The following RAPGEF2 variants were observed in gnomAD, a reference collection of about 807,000 sequenced individuals.
The protein encoded by RAPGEF2 is PDZ domain containing guanine nucleotide exchange factor (GEF) 1.
Under a neutral mutation model 186.7 loss-of-function variants are expected in RAPGEF2, and 54 were observed. That is an observed-to-expected ratio of 0.29 (90% CI 0.23 to 0.36). The LOEUF is 0.36. RAPGEF2 is among the 10% of genes least tolerant of loss of function. The pLI, the probability that RAPGEF2 is intolerant of heterozygous loss-of-function variation, is 1.00. For missense variants in RAPGEF2, 1,532 were observed against 2,045.0 expected, an observed-to-expected ratio of 0.75 and a Z score of 4.84; for synonymous variants, 712 against 705.9, an observed-to-expected ratio of 1.01 and a Z score of -0.14.
At chr4:159,349,401 T>C (rs1386618796) in intron 25 of RAPGEF2, among the ~76,000 whole-genome samples, 1 of 152,228 alleles carries the variant, frequency 6.6e-6, no homozygotes, top group Non-Finnish European at 1.5e-5. Context: ...CTTCCTCATT[T>C]ATGAAAAATA....
intron 7 of RAPGEF2, among the ~76,000 whole-genome samples, chr4:159,258,515 T>C (rs1756445878): frequency 6.6e-6 from 1 of 152,248 alleles, no homozygotes; most frequent in Admixed American, 6.5e-5. Flanking sequence ...TAGTAAAGTC[T>C]GTTGGTTAAT....
chr4:159,270,371 C>G (rs1469885078), intron 7 of RAPGEF2, among the ~76,000 whole-genome samples: 1 of 152,202 alleles, frequency 6.6e-6, no homozygotes, highest in Admixed American at 6.5e-5. Context: ...GCCCCTCTTT[C>G]ATCCTATGAG....
At chr4:159,222,752 C>T (rs1400241857) in intron 4 of RAPGEF2, among the ~76,000 whole-genome samples, 4 of 152,026 alleles carry the variant, frequency 2.6e-5, no homozygotes, top group African/African-American at 9.7e-5. Flanking sequence ...AGAAAGTGTA[C>T]TCTCTGTATT....
chr4:159,188,758 T>C (rs964575773), intron 2 of RAPGEF2, among the ~76,000 whole-genome samples: 1 of 152,180 alleles, frequency 6.6e-6, no homozygotes, highest in African/African-American at 2.4e-5. Flanking sequence ...CTGTCAACTT[T>C]CTGCAGCTGC....
At chr4:159,135,669 G>A (rs988846346) in intron 1 of RAPGEF2, among the ~76,000 whole-genome samples, 23 of 151,834 alleles carry the variant, frequency 1.5e-4, no homozygotes, top group Non-Finnish European at 2.5e-4. Context: ...GCATGATCTC[G>A]GCTCACTGCA....
chr4:159,150,957 A>G (rs562201056), intron 1 of RAPGEF2, among the ~76,000 whole-genome samples: 12 of 152,194 alleles, frequency 7.9e-5, no homozygotes, highest in Non-Finnish European at 1.6e-4. Flanking sequence ...CTGCTGATCC[A>G]GCAAGCGAGA....
chr4:159,322,511 A>G (rs1487473693), intron 10 of RAPGEF2, 28 bp downstream of exon 10: 1 of 1,601,676 alleles, frequency 6.2e-7, no homozygotes, highest in Non-Finnish European at 8.5e-7. Context: ...CCACTTAAAA[A>G]GTTTCTTCTT....
chr4:159,217,206 G>T (rs745740420), intron 4 of RAPGEF2, among the ~76,000 whole-genome samples: 3 of 152,062 alleles, frequency 2.0e-5, no homozygotes, highest in Non-Finnish European at 4.4e-5. Context: ...GGGGGTACAC[G>T]TGCAGGTTTG....
chr4:159,103,452 G>C lies in RAPGEF2; in HGVS notation c.-711G>C, dbSNP rs1168238335. 6.2e-6 allele frequency: 1 copy of C among 160,082 alleles called. No individual in the cohort carries two copies. The highest frequency in any genetic ancestry group is 1.3e-5 in the Non-Finnish European group (1 of 74,478). 9.9% of individuals were successfully genotyped at this position (160,082 alleles called of 1,614,324 possible). A position where few individuals can be genotyped will look rare whatever the true frequency, so the allele number is the denominator to read the frequency against. ...AGCAGCAGAGGCGGCGGCGGCGGCG[G>C]CTGGGCGGCCCGAGGGGATGCAGCA... is the stretch of plus-strand genomic sequence containing the variant. On this transcript the variant is annotated 5_prime_UTR_variant, in exon 1 of 30. Transcript: ENST00000691494.
chr4:159,304,681 T>G (rs966404844), intron 8 of RAPGEF2, among the ~76,000 whole-genome samples: 6 of 152,112 alleles, frequency 3.9e-5, no homozygotes, highest in Non-Finnish European at 8.8e-5. Context: ...TGACGAGTTA[T>G]CAAAGTGTTC....
At chr4:159,242,350 CT>C (rs574582520) in intron 6 of RAPGEF2, among the ~76,000 whole-genome samples, 4 of 151,402 alleles carry the variant, frequency 2.6e-5, no homozygotes, top group Admixed American at 6.6e-5. Flanking sequence ...TTTCCTTTAC[CT>C]TTTTTTTCTT....
intron 9 of RAPGEF2, among the ~76,000 whole-genome samples, chr4:159,318,733 CT>C (rs894119372): frequency 5.3e-5 from 8 of 151,956 alleles, no homozygotes; most frequent in African/African-American, 1.9e-4. Context: ...ACTTTGATCT[CT>C]TTTAACAAGC....
At chr4:159,354,729 T>C (rs1222511062) in intron 28 of RAPGEF2, among the ~76,000 whole-genome samples, 2 of 152,218 alleles carry the variant, frequency 1.3e-5, no homozygotes. Flanking sequence ...AGTGTGAGGA[T>C]TCAAGGAAAT....
intron 4 of RAPGEF2, 37 bp from the exon 5 acceptor site, chr4:159,238,772 G>C: frequency 6.9e-7 from 1 of 1,456,838 alleles, no homozygotes; most frequent in Admixed American, 2.4e-5. Context: ...AAATCTCTGA[G>C]GTTCTCCTCA....
intron 7 of RAPGEF2, among the ~76,000 whole-genome samples, chr4:159,251,354 C>T (rs939087628): frequency 3.3e-5 from 5 of 152,216 alleles, no homozygotes; most frequent in African/African-American, 1.2e-4. Context: ...GCGTCCCAGG[C>T]GTGGGATCCA....
At chr4:159,235,333 C>T (rs1463553515) in intron 4 of RAPGEF2, among the ~76,000 whole-genome samples, 8 of 152,056 alleles carry the variant, frequency 5.3e-5, no homozygotes, top group Admixed American at 4.6e-4. Flanking sequence ...TCAAAGACTT[C>T]GTTTTTATTA....
At chr4:159,162,121 G>C (rs1298655056) in intron 1 of RAPGEF2, among the ~76,000 whole-genome samples, 2 of 150,428 alleles carry the variant, frequency 1.3e-5, no homozygotes, top group Non-Finnish European at 3.0e-5. Flanking sequence ...GTGGTAGGTC[G>C]TGCTTGTAAT....
At chr4:159,168,616 A>G (rs147714722) in intron 1 of RAPGEF2, among the ~76,000 whole-genome samples, 1,718 of 152,232 alleles carry the variant, frequency 0.011, 11 homozygotes, top group Non-Finnish European at 0.018. Context: ...TTAAATTATT[A>G]TTGAACTGTC....
At chr4:159,222,532 G>C (rs1179499502) in intron 4 of RAPGEF2, among the ~76,000 whole-genome samples, 1 of 152,172 alleles carries the variant, frequency 6.6e-6, no homozygotes, top group Non-Finnish European at 1.5e-5. Flanking sequence ...TTTAGAGTCT[G>C]ATGTTTGTGT....
Sources: allele counts gnomAD v4.1 joint callset (sites outside exome capture counted in the v4.1 genomes callset), GRCh38; gene constraint gnomAD v4.1.1; transcripts MANE v1.5; gene names NCBI Gene and HGNC (gene_info 2026-07-23, HGNC 2026-07-21).